RABL6: variants seen among roughly 807,000 people sequenced by gnomAD.
RABL6 encodes RAB, member RAS oncogene family like 6, also known as rab-like protein 6.
In RABL6, 28 loss-of-function variants were observed where a neutral mutation model predicts 72.9. The observed-to-expected ratio is 0.38, with a 90% CI of 0.28 to 0.53. The LOEUF is 0.53. RABL6 is among the 20% of genes least tolerant of loss of function. The pLI is 0.80. For synonymous variants in RABL6, 477 were observed against 421.2 expected, an observed-to-expected ratio of 1.13 and a Z score of -1.62; for missense variants, 1,029 against 1,008.4, an observed-to-expected ratio of 1.02 and a Z score of -0.28.
chr9:136,827,823 A>AC (rs947727145), intron 3 of RABL6: 3 of 151,040 alleles, frequency 2.0e-5, no homozygotes, highest in Non-Finnish European at 2.9e-5. Context: ...CAAGACTGGG[A>AC]CCCCCAGAGT....
At position 136,829,380 on chromosome 9, in the gene RABL6, C is replaced by T. The variant is rs1848424226; in HGVS notation, c.367-13C>T. 1 of 1,558,600 alleles carries T rather than the reference C, an allele frequency of 6.4e-7. No homozygotes were observed. Among genetic ancestry groups the T allele is most frequent in the Non-Finnish European group, 8.7e-7 (1 of 1,150,810 alleles). The stretch of plus-strand genomic sequence containing the variant: ...CCTGGGCCAGTCTCACACCTGTTCC[C>T]TCCTGTCCCCAGGCGGAGTCTGAAA... On this transcript the variant is annotated splice_polypyrimidine_tract_variant and intron_variant, in intron 4 of 14. Transcript: ENST00000311502.
Position 136,832,921 on chromosome 9 carries a change from G to A in RABL6, c.705+551G>A, listed in dbSNP as rs574657846. ...CCAGCTGTGGCTGCAAAGTAGCCCA[G>A]CAAATGATGAGGCTTGAACCTCCTC... is the stretch of plus-strand genomic sequence containing the variant. On this transcript the variant is annotated intron_variant, in intron 7 of 14. Transcript: ENST00000311502. 341 of 325,916 alleles carry A rather than the reference G, an allele frequency of 1.0e-3. 1 individual carries two copies. The highest frequency in any genetic ancestry group is 7.1e-3 in the African/African-American group (327 of 46,266). 20.2% of individuals were successfully genotyped at this position (325,916 alleles called of 1,614,324 possible).
rs1260766855 is a variant in RABL6 at position 136,808,132 on chromosome 9, G to T, written c.-65G>T. On this transcript the variant is annotated 5_prime_UTR_variant, in exon 1 of 15. Transcript: ENST00000311502. Reference sequence around the variant, plus strand: ...GGGCCGCCGGGACATGGTGCCAGTCGCACCCCTTCCCCGCCGCCGCTGAGC... The same window carrying T: ...GGGCCGCCGGGACATGGTGCCAGTCTCACCCCTTCCCCGCCGCCGCTGAGC... 9.0e-6 allele frequency: 13 copies of T among 1,439,568 alleles called. No homozygotes were observed. The highest frequency in any genetic ancestry group is 5.0e-5 in the Admixed American group (2 of 39,780). The allele number at this position is 1,439,568 out of a possible 1,614,324, so 89.2% of individuals were successfully genotyped here. A position where few individuals can be genotyped will look rare whatever the true frequency, so the allele number is the denominator to read the frequency against.
Position 136,839,247 on chromosome 9 carries a change from C to T in RABL6, c.1519C>T (p.Arg507Trp), listed in dbSNP as rs199885890. The T allele has an allele frequency of 5.5e-5, 88 of 1,602,916 alleles. No individual in the cohort carries two copies. The East Asian group carries it at 1.2e-3, about 22-fold the overall frequency. ...GTCCTCCATACCAGCTTCGAAGCCA[C>T]GGAGGGGGACAGCTCCCACGAGGAC... ...KWSSIPASKP[R>W]RGTAPTRTAA... The change falls in exon 12 of 15, where the codon CGG becomes TGG. Residue 507 changes from arginine (R) to tryptophan (W), a missense_variant. This residue lies in a region of RABL6 where 595 missense variants were observed against 472.4 expected (regional missense o/e 1.26). Coordinates refer to ENST00000311502, the MANE Select transcript of RABL6 (RefSeq NM_024718.5).
intron 1 of RABL6, among the ~76,000 whole-genome samples, chr9:136,810,741 C>T (rs192464720): frequency 2.0e-5 from 3 of 152,298 alleles, no homozygotes; most frequent in Non-Finnish European, 4.4e-5. Context: ...CAGGATTTCA[C>T]CGTGTTAGCC....
intron 1 of RABL6, among the ~76,000 whole-genome samples, chr9:136,810,466 G>C (rs1847985030): frequency 6.6e-6 from 1 of 152,240 alleles, no homozygotes; most frequent in African/African-American, 2.4e-5. Flanking sequence ...TATCTTTATA[G>C]CTGAATAACA....
chr9:136,825,376 A>G (rs1848329775), intron 2 of RABL6, among the ~76,000 whole-genome samples: 1 of 123,082 alleles, frequency 8.1e-6, no homozygotes, highest in Non-Finnish European at 1.7e-5. Context: ...CCCTTCCAGT[A>G]TGCTGAGGCC....
intron 1 of RABL6, chr9:136,813,995 CT>C: frequency 2.5e-6 from 1 of 400,880 alleles, no homozygotes; most frequent in South Asian, 2.1e-5. Context: ...ACATCTTGCT[CT>C]TTCTTACTGT....
chr9:136,832,866 T>C, intron 7 of RABL6: 1 of 317,252 alleles, frequency 3.2e-6, no homozygotes, highest in South Asian at 2.7e-5. Context: ...CGGACTAAAC[T>C]CACTTTCCTT....
rs748536267 is a variant in RABL6, at chr9:136,839,263, C to T, written c.1535C>T (p.Pro512Leu). ...TCGAAGCCACGGAGGGGGACAGCTC[C>T]CACGAGGACCGCAGCACCCCCCTGG... is the stretch of plus-strand genomic sequence containing the variant. ...PASKPRRGTA[P>L]TRTAAPPWPG... The change falls in exon 12 of 15, where the codon CCC becomes CTC. Residue 512 changes from proline to leucine, a missense_variant. By Grantham distance (98) the Pro-to-Leu change is moderately conservative. Around this residue, in one of 2 missense-constraint regions of RABL6, gnomAD observed 595 missense variants for 472.4 expected, o/e 1.26. Transcript: ENST00000311502. 3 of 1,606,548 alleles carry T rather than the reference C, an allele frequency of 1.9e-6. 1 individual carries two copies. The highest frequency in any genetic ancestry group is 2.2e-5 in the South Asian group (2 of 90,242).
At chr9:136,835,153 C>T (rs1243277940) in intron 7 of RABL6, 1 of 152,130 alleles carries the variant, frequency 6.6e-6, no homozygotes. Context: ...CATCCTCGCA[C>T]TTTGGATGCT....
At chr9:136,837,751 C>T (rs1342928713) in intron 9 of RABL6, 89 bp downstream of exon 9, 2 of 1,543,878 alleles carry the variant, frequency 1.3e-6, no homozygotes, top group Admixed American at 3.9e-5. Flanking sequence ...CTCCACGCTT[C>T]TTCCTGCTTG....
At chr9:136,837,200 G>A (rs775389711) in intron 8 of RABL6, 146 bp from the exon 9 acceptor site, 2 of 925,852 alleles carry the variant, frequency 2.2e-6, no homozygotes, top group Non-Finnish European at 1.7e-6. Flanking sequence ...GGAAGTGGAT[G>A]GGGATGATGG....
chr9:136,814,058 C>G (rs149330639), intron 1 of RABL6: 1 of 384,868 alleles, frequency 2.6e-6, no homozygotes, highest in East Asian at 8.3e-5. Flanking sequence ...TCTTTCAAAC[C>G]AGCGAGTTCC....
At chr9:136,828,997 A>C (rs889535526) in intron 4 of RABL6, among the ~76,000 whole-genome samples, 1 of 151,992 alleles carries the variant, frequency 6.6e-6, no homozygotes, top group African/African-American at 2.4e-5. Context: ...GGGTGGAGTG[A>C]CTCTGCCCAC....
intron 7 of RABL6, among the ~76,000 whole-genome samples, chr9:136,834,869 C>T (rs1223913329): frequency 6.7e-6 from 1 of 149,356 alleles, no homozygotes. Flanking sequence ...GGGAGGACAG[C>T]TCGAGCCCAG....
Position 136,808,068 on chromosome 9 carries a change from G to A in RABL6, c.-129G>A. 8.8e-7 allele frequency: 1 copy of A among 1,139,326 alleles called. No homozygotes were observed. The highest frequency in any genetic ancestry group is 1.1e-6 in the Non-Finnish European group (1 of 922,902). 70.6% of individuals were successfully genotyped at this position (1,139,326 alleles called of 1,614,324 possible). On this transcript the variant is annotated 5_prime_UTR_variant, in exon 1 of 15. Transcript: ENST00000311502. ...GGCTGCGCTCCGCCGCCGGGACCCC[G>A]GCCTCTGGCCGCGCCGGCTCCGGCC...
chr9:136,821,312 C>G, intron 1 of RABL6: 1 of 984,732 alleles, frequency 1.0e-6, no homozygotes, highest in South Asian at 4.7e-5. Flanking sequence ...CTGCGCTCTC[C>G]GCGTTGCTAA....
At position 136,817,976 on chromosome 9, in the gene RABL6, C is replaced by T. The variant is rs192528537; in HGVS notation, c.131-5549C>T. 1.6e-3 allele frequency among the ~76,000 whole-genome samples: 229 copies of T among 145,902 alleles called. 2 individuals are homozygous for T. Among genetic ancestry groups the T allele is most frequent in the African/African-American group, 4.0e-3 (159 of 39,338 alleles). ...ACTCAGGAGGCCGAGGCACAAGAAT[C>T]GTGTGAACCCGGGAGGCACAAGTTG... On this transcript the variant is annotated intron_variant, in intron 1 of 14. Coordinates refer to ENST00000311502, the MANE Select transcript of RABL6 (RefSeq NM_024718.5).
Sources: gnomAD v4.1 joint callset for allele counts (sites outside exome capture counted in the v4.1 genomes callset) on GRCh38, gnomAD v4.1.1 for gene constraint, gnomAD v4.1.1 regional missense constraint, MANE v1.5 for transcripts, NCBI Gene and HGNC (gene_info 2026-07-23, HGNC 2026-07-21) for gene names.